ROBO2: variants seen among roughly 807,000 people sequenced by gnomAD.
ROBO2 encodes the protein roundabout guidance receptor 2.
ROBO2 carries 53 observed loss-of-function variants against 160.8 expected under a neutral mutation model. The ratio of observed to expected loss-of-function variants is 0.33; its 90% CI spans 0.26 to 0.41. The LOEUF (loss-of-function observed/expected upper bound fraction) is 0.41. Ranked by LOEUF, ROBO2 falls within the 10% of genes least tolerant of loss-of-function variation. ROBO2 has a pLI of 1.00. For missense variants in ROBO2, 1,577 were observed against 1,722.4 expected (o/e 0.92, Z 1.49); for synonymous variants, 664 against 611.7 (o/e 1.09, Z -1.26).
chr3:77,366,404 A>G (rs1288025918), intron 2 of ROBO2, among the ~76,000 whole-genome samples: 6 of 151,944 alleles, frequency 3.9e-5, no homozygotes, highest in African/African-American at 4.8e-5. Context: ...GCCCAGAGAG[A>G]TTCTCTGTGC....
intron 2 of ROBO2, among the ~76,000 whole-genome samples, chr3:76,365,617 A>G (rs2075770501): frequency 6.6e-6 from 1 of 152,044 alleles, no homozygotes; most frequent in African/African-American, 2.4e-5. Context: ...AGAATTCCCT[A>G]TTGAGAAATG....
intron 2 of ROBO2, among the ~76,000 whole-genome samples, chr3:76,965,298 C>T (rs1211675135): frequency 3.3e-5 from 5 of 152,222 alleles, no homozygotes; most frequent in African/African-American, 1.2e-4. Context: ...AGGAGCTGTG[C>T]TTTCGCAAGC....
chr3:77,529,193 T>C (rs1206505611), intron 6 of ROBO2, among the ~76,000 whole-genome samples: 1 of 151,006 alleles, frequency 6.6e-6, no homozygotes, highest in Non-Finnish European at 1.5e-5. Context: ...ATATAGATTA[T>C]ATATAAAATA....
chr3:77,617,432 T>C (rs2094805210), intron 21 of ROBO2, 81 bp from the exon 23 acceptor site: 3 of 1,506,168 alleles, frequency 2.0e-6, no homozygotes, highest in Admixed American at 3.4e-5. Context: ...ATGTGGTTGC[T>C]ACTTATTGCC....
At chr3:76,387,431 T>G (rs1007811637) in intron 2 of ROBO2, among the ~76,000 whole-genome samples, 1 of 151,904 alleles carries the variant, frequency 6.6e-6, no homozygotes, top group Non-Finnish European at 1.5e-5. Context: ...TAATAGAAAC[T>G]AGTATTTATT....
intron 2 of ROBO2, among the ~76,000 whole-genome samples, chr3:77,468,547 G>A (rs905710021): frequency 2.0e-5 from 3 of 152,188 alleles, no homozygotes; most frequent in African/African-American, 7.2e-5. Context: ...CTCTTAGCAG[G>A]ACTTCAAATT....
chr3:76,114,627 T>G (rs2070380982), intron 2 of ROBO2, among the ~76,000 whole-genome samples: 2 of 152,076 alleles, frequency 1.3e-5, no homozygotes, highest in African/African-American at 4.8e-5. Context: ...GTTCCCAATA[T>G]CACCCACCTA....
intron 2 of ROBO2, among the ~76,000 whole-genome samples, chr3:76,144,810 A>G (rs1516475): frequency 0.92 from 140,110 of 151,956 alleles, 65,691 homozygotes; most frequent in East Asian, 1. Flanking sequence ...TTGAATGTAC[A>G]TACATTTTCC....
chr3:76,726,989 C>A (rs901012852), intron 2 of ROBO2, among the ~76,000 whole-genome samples: 1 of 152,164 alleles, frequency 6.6e-6, no homozygotes, highest in Non-Finnish European at 1.5e-5. Context: ...AAAACTGGAA[C>A]TGATGTTCCC....
At chr3:76,598,165 G>C (rs9811399) in intron 2 of ROBO2, among the ~76,000 whole-genome samples, 147,348 of 151,756 alleles carry the variant, frequency 0.97, 71,695 homozygotes, top group East Asian at 1. Flanking sequence ...AAAAAAAAAG[G>C]CGAGCCCAAA....
chr3:77,358,287 A>G (rs534711149), intron 2 of ROBO2, among the ~76,000 whole-genome samples: 1 of 152,294 alleles, frequency 6.6e-6, no homozygotes, highest in Admixed American at 6.5e-5. Context: ...TGCCGGGGTT[A>G]GAACTCCAGT....
At chr3:77,635,010 G>C in exon 24 of ROBO2, 1 of 1,614,120 alleles carries the variant, frequency 6.2e-7, no homozygotes, top group Non-Finnish European at 8.5e-7. Flanking sequence ...CCAACAACCA[G>C]CATTGCCTCA....
At chr3:75,984,994 C>T (rs1313264672) in intron 2 of ROBO2, among the ~76,000 whole-genome samples, 1 of 151,460 alleles carries the variant, frequency 6.6e-6, no homozygotes, top group African/African-American at 2.4e-5. Context: ...TTAGTATCTG[C>T]ATGTTTCCTT....
chr3:76,757,803 G>T (rs2061069352), intron 2 of ROBO2, among the ~76,000 whole-genome samples: 1 of 151,760 alleles, frequency 6.6e-6, no homozygotes, highest in Non-Finnish European at 1.5e-5. Flanking sequence ...TCACTCAGAA[G>T]AGGTGAGGAA....
rs191124337 is a variant in ROBO2, at chr3:77,218,618, C to T, written c.388+120278C>T. On this transcript the variant is annotated intron_variant, in intron 2 of 25. Coordinates refer to ENST00000461745, the Ensembl canonical transcript of ROBO2. ...TGAACTCTTGACCTTTTGATCCACC[C>T]ACCTTGGCCTTCCAAAGTGCTGGGA... Among the ~76,000 whole-genome samples the T allele has an allele frequency of 1.2e-4, 18 of 152,242 alleles. No individual in the cohort carries two copies. In the East Asian group the frequency reaches 3.5e-3, roughly 30 times the overall value.
chr3:77,238,350 T>G (rs2088412380), intron 2 of ROBO2, among the ~76,000 whole-genome samples: 1 of 152,188 alleles, frequency 6.6e-6, no homozygotes, highest in Admixed American at 6.5e-5. Context: ...TCTGGAAGTT[T>G]TATATTTTTA....
At chr3:76,621,148 G>A (rs1313183252) in intron 2 of ROBO2, among the ~76,000 whole-genome samples, 2 of 148,764 alleles carry the variant, frequency 1.3e-5, no homozygotes, top group Non-Finnish European at 3.0e-5. Flanking sequence ...TTTTTTTCAG[G>A]CAAGGGAATA....
intron 2 of ROBO2, among the ~76,000 whole-genome samples, chr3:77,475,625 C>T (rs1560941571): frequency 6.6e-6 from 1 of 152,146 alleles, no homozygotes; most frequent in African/African-American, 2.4e-5. Flanking sequence ...TTGCCAGTAC[C>T]GGATATTGTA....
chr3:77,575,941 G>A (rs2153671722), intron 14 of ROBO2, among the ~76,000 whole-genome samples: 1 of 152,146 alleles, frequency 6.6e-6, no homozygotes, highest in African/African-American at 2.4e-5. Context: ...GCTATGTGAT[G>A]GTAACAAATG....
Sources: gnomAD v4.1 joint callset for allele counts (sites outside exome capture counted in the v4.1 genomes callset) on GRCh38, gnomAD v4.1.1 for gene constraint, MANE v1.5 for transcripts, NCBI Gene and HGNC (gene_info 2026-07-23, HGNC 2026-07-21) for gene names.